Variants in ADAM18 observed in about 807,000 individuals in gnomAD.
ADAM18 encodes disintegrin and metalloproteinase domain-containing protein 18.
In ADAM18, 117 loss-of-function variants were observed where a neutral mutation model predicts 94.4. That is an observed-to-expected ratio of 1.24 (90% CI 1.07 to 1.45). The LOEUF (loss-of-function observed/expected upper bound fraction) is 1.45, where lower values mean the gene tolerates loss of function less well. Among genes scored for constraint, ADAM18 ranks in the 40% most tolerant of loss-of-function variants. The pLI is 0.00. For synonymous variants in ADAM18, 327 were observed against 291.6 expected, an observed-to-expected ratio of 1.12 and a Z score of -1.24; for missense variants, 936 against 880.0, an observed-to-expected ratio of 1.06 and a Z score of -0.81.
At chr8:39,685,332 G>A (rs1027337124) in intron 16 of ADAM18, 2 of 152,214 alleles carry the variant, frequency 1.3e-5, no homozygotes, top group African/African-American at 4.8e-5. Context: ...ATCCCACCTG[G>A]GCCCAGTGGA....
At chr8:39,617,865 C>A (rs1367673000) in intron 6 of ADAM18, among the ~76,000 whole-genome samples, 1 of 151,900 alleles carries the variant, frequency 6.6e-6, no homozygotes, top group Non-Finnish European at 1.5e-5. Context: ...AGGGTGGGGA[C>A]CTATTGGGTA....
chr8:39,716,621 A>G (rs1822587801), intron 18 of ADAM18, among the ~76,000 whole-genome samples: 2 of 151,922 alleles, frequency 1.3e-5, no homozygotes, highest in African/African-American at 2.4e-5. Flanking sequence ...ATAACATTTG[A>G]TCTGTCCTGG....
chr8:39,721,598 A>G (rs1822750265), intron 18 of ADAM18, among the ~76,000 whole-genome samples: 1 of 151,744 alleles, frequency 6.6e-6, no homozygotes, highest in African/African-American at 2.4e-5. Context: ...AAAAATGGCA[A>G]AAGACATGAA....
intron 18 of ADAM18, among the ~76,000 whole-genome samples, chr8:39,714,187 G>C (rs904279005): frequency 1.3e-5 from 2 of 152,066 alleles, no homozygotes; most frequent in African/African-American, 4.8e-5. Context: ...AACTATCACA[G>C]GACAGAAAAC....
At chr8:39,603,011 C>A (rs1306710383) in intron 2 of ADAM18, among the ~76,000 whole-genome samples, 2 of 151,012 alleles carry the variant, frequency 1.3e-5, no homozygotes, top group African/African-American at 2.4e-5. Flanking sequence ...CATCTTTTTG[C>A]ATGTGGACAT....
At chr8:39,605,716 T>G (rs1819059521) in intron 2 of ADAM18, 1 of 232,798 alleles carries the variant, frequency 4.3e-6, no homozygotes, top group Admixed American at 4.8e-5. Flanking sequence ...TTTATTTTAT[T>G]TTTATTTATA....
At chr8:39,708,753 G>A (rs1822310638) in intron 18 of ADAM18, among the ~76,000 whole-genome samples, 1 of 152,232 alleles carries the variant, frequency 6.6e-6, no homozygotes, top group African/African-American at 2.4e-5. Context: ...TTCAGTGCCA[G>A]CAGTGGCAAA....
chr8:39,700,006 AG>A (rs1221837876), intron 17 of ADAM18, among the ~76,000 whole-genome samples: 1 of 152,196 alleles, frequency 6.6e-6, no homozygotes, highest in Non-Finnish European at 1.5e-5. Flanking sequence ...CAGAGTGCAT[AG>A]GGTGTAAAAC....
intron 11 of ADAM18, 97 bp downstream of exon 11, chr8:39,645,571 A>G: frequency 8.6e-7 from 1 of 1,158,004 alleles, no homozygotes; most frequent in Non-Finnish European, 1.2e-6. Context: ...CACCACATCA[A>G]TGGCTAGAAA....
chr8:39,671,422 C>T (rs1396628648), intron 14 of ADAM18, among the ~76,000 whole-genome samples: 3 of 152,138 alleles, frequency 2.0e-5, no homozygotes, highest in Non-Finnish European at 2.9e-5. Flanking sequence ...GAAAGCAAAG[C>T]GTGAGTCTAG....
In ADAM18 at chr8:39,629,409, G is replaced by A; in HGVS notation, c.558G>A (p.Leu186=). 6.3e-7 allele frequency: 1 copy of A among 1,583,464 alleles called. No individual in the cohort carries two copies. The highest frequency in any genetic ancestry group is 8.6e-7 in the Non-Finnish European group (1 of 1,163,066). Residue 186 remains leucine, a synonymous_variant, in exon 7 of 20, where the codon CTG becomes CTA. Coordinates refer to ENST00000265707, the MANE Select transcript of ADAM18 (RefSeq NM_014237.3). ...TTTCAAAACTATTACCCCAATATCT[G>A]GAAATATACATTATAGTGGAAAAAG... ...KNLSKLLPQY[L]EIYIIVEKAL...
At chr8:39,667,713 T>C (rs1057176559) in intron 13 of ADAM18, among the ~76,000 whole-genome samples, 1 of 152,196 alleles carries the variant, frequency 6.6e-6, no homozygotes, top group Admixed American at 6.5e-5. Context: ...GTATGTTTAA[T>C]CTAATGCTGT....
At chr8:39,717,117 T>C (rs1220637578) in intron 18 of ADAM18, among the ~76,000 whole-genome samples, 1 of 151,806 alleles carries the variant, frequency 6.6e-6, no homozygotes, top group Non-Finnish European at 1.5e-5. Flanking sequence ...TGTATAGTTG[T>C]GTGTTGCGTG....
chr8:39,587,726 G>A (rs572411905), intron 2 of ADAM18, among the ~76,000 whole-genome samples: 15 of 152,232 alleles, frequency 9.9e-5, no homozygotes, highest in South Asian at 2.1e-4. Context: ...CATTACAGGC[G>A]TTAGCCACCA....
At chr8:39,637,726 A>G (rs1373485111) in intron 9 of ADAM18, 23 bp downstream of exon 9, 2 of 1,504,670 alleles carry the variant, frequency 1.3e-6, no homozygotes, top group Non-Finnish European at 1.8e-6. Flanking sequence ...TTCTACATTA[A>G]TAAAGATATC....
Position 39,697,595 on chromosome 8 carries a change from C to G in ADAM18, c.1902+4915C>G, listed in dbSNP as rs556913717. ...TTTCTACAGTCAACATTTATTTATT[C>G]TTGCTTAATCATATATTTACTCTTT... On this transcript the variant is annotated intron_variant, in intron 17 of 19. Coordinates refer to ENST00000265707, the MANE Select transcript of ADAM18 (RefSeq NM_014237.3). Among the ~76,000 whole-genome samples, 9 of 151,740 alleles carry G rather than the reference C, an allele frequency of 5.9e-5. No homozygotes were observed. In the East Asian group the frequency reaches 9.7e-4, roughly 16 times the overall value.
intron 18 of ADAM18, among the ~76,000 whole-genome samples, chr8:39,714,661 C>T (rs1246261900): frequency 6.6e-6 from 1 of 152,010 alleles, no homozygotes; most frequent in Non-Finnish European, 1.5e-5. Flanking sequence ...GAAAAATCCT[C>T]TATAAGAGTT....
chr8:39,665,240 A>G (rs747766440), intron 13 of ADAM18, among the ~76,000 whole-genome samples: 6 of 152,166 alleles, frequency 3.9e-5, no homozygotes, highest in Non-Finnish European at 5.9e-5. Flanking sequence ...TTTGAGATAC[A>G]TTCATGTTCT....
chr8:39,727,289 C>G (rs554093907), intron 19 of ADAM18, among the ~76,000 whole-genome samples: 55 of 152,278 alleles, frequency 3.6e-4, no homozygotes, highest in African/African-American at 1.3e-3. Flanking sequence ...GCTCCACAGC[C>G]TACTTGAATT....
Sources: gnomAD v4.1 joint callset for allele counts (sites outside exome capture counted in the v4.1 genomes callset) on GRCh38, gnomAD v4.1.1 for gene constraint, MANE v1.5 for transcripts, NCBI Gene and HGNC (gene_info 2026-07-23, HGNC 2026-07-21) for gene names.